The following CANX variants were observed in gnomAD, a reference collection of about 807,000 sequenced individuals.
CANX encodes calnexin.
Under a neutral mutation model 75.7 loss-of-function variants are expected in CANX, and 14 were observed. The ratio of observed to expected loss-of-function variants is 0.19; its 90% confidence interval spans 0.12 to 0.29. The LOEUF (loss-of-function observed/expected upper bound fraction) is 0.29. Ranked by LOEUF, CANX falls within the 10% of genes least tolerant of loss-of-function variation. CANX has a pLI of 1.00. For synonymous variants in CANX, 227 were observed against 236.9 expected, an observed-to-expected ratio of 0.96 and a Z score of 0.38; for missense variants, 567 against 713.2, an observed-to-expected ratio of 0.79 and a Z score of 2.34.
At chr5:179,689,440 T>C (rs1489462220) in intron 1 of CANX, among the ~76,000 whole-genome samples, 1 of 125,944 alleles carries the variant, frequency 7.9e-6, no homozygotes, top group African/African-American at 3.1e-5. Flanking sequence ...CAGGTGGGAG[T>C]GTAATGGCGC....
Position 179,728,859 on chromosome 5 carries a change from A to G in CANX, c.*215A>G, listed in dbSNP as rs969889834. 2 of 642,260 alleles carry G rather than the reference A, an allele frequency of 3.1e-6. No homozygotes were observed. The highest frequency in any genetic ancestry group is 3.0e-5 in the East Asian group (1 of 32,918). The allele number at this position is 642,260 out of a possible 1,614,324, so 39.8% of individuals were successfully genotyped here. On this transcript the variant is annotated 3_prime_UTR_variant, in exon 15 of 15. Transcript: ENST00000247461. ...AAAGGACCCTGTTTCTGTAGAAAAG[A>G]AAACATTTAACATAATGGTTGTGAA...
At chr5:179,725,381 C>T (rs1778579507) in intron 13 of CANX, among the ~76,000 whole-genome samples, 1 of 151,666 alleles carries the variant, frequency 6.6e-6, no homozygotes, top group Non-Finnish European at 1.5e-5. Flanking sequence ...GAGATCCTGT[C>T]TCTTAAAAAA....
chr5:179,726,072 T>A (rs1778647452), intron 13 of CANX, among the ~76,000 whole-genome samples: 1 of 148,910 alleles, frequency 6.7e-6, no homozygotes, highest in Non-Finnish European at 1.5e-5. Flanking sequence ...GTGGATCACC[T>A]GAGGTCAGGA....
chr5:179,724,880 G>GA, intron 13 of CANX, 97 bp downstream of exon 13: 1 of 1,464,258 alleles, frequency 6.8e-7, no homozygotes, highest in Non-Finnish European at 9.1e-7. Context: ...AGCCAGGCGT[G>GA]GTGGCTCAAG....
intron 1 of CANX, among the ~76,000 whole-genome samples, chr5:179,703,393 A>G (rs1217423270): frequency 2.0e-5 from 3 of 151,604 alleles, no homozygotes; most frequent in Admixed American, 2.0e-4. Flanking sequence ...AATTTTTTGT[A>G]TTTTAGTAGA....
chr5:179,688,892 T>C (rs1298365894), intron 1 of CANX, among the ~76,000 whole-genome samples: 3 of 151,340 alleles, frequency 2.0e-5, no homozygotes, highest in African/African-American at 7.3e-5. Context: ...GATGGTGCAG[T>C]GAGCCATGAT....
At chr5:179,686,212 C>T (rs1283757124) in intron 1 of CANX, among the ~76,000 whole-genome samples, 1 of 149,752 alleles carries the variant, frequency 6.7e-6, no homozygotes, top group African/African-American at 2.5e-5. Flanking sequence ...ATTCTCCTGC[C>T]TCAGCCTCCT....
chr5:179,703,379 G>A (rs1049034936), intron 1 of CANX, among the ~76,000 whole-genome samples: 4 of 151,874 alleles, frequency 2.6e-5, no homozygotes, highest in South Asian at 4.1e-4. Flanking sequence ...CACCACACTC[G>A]GCTAATTTTT....
At chr5:179,679,461 G>T (rs1397114270) in intron 1 of CANX, among the ~76,000 whole-genome samples, 1 of 152,210 alleles carries the variant, frequency 6.6e-6, no homozygotes, top group African/African-American at 2.4e-5. Flanking sequence ...AGACCACTGA[G>T]GATCAGGCCC....
chr5:179,682,741 T>TA (rs1776101469), intron 1 of CANX, among the ~76,000 whole-genome samples: 1 of 147,370 alleles, frequency 6.8e-6, no homozygotes, highest in East Asian at 2.0e-4. Context: ...CTAATTCTGA[T>TA]ACGTACAGTG....
At chr5:179,686,212 C>G (rs1283757124) in intron 1 of CANX, among the ~76,000 whole-genome samples, 1 of 149,752 alleles carries the variant, frequency 6.7e-6, no homozygotes, top group Non-Finnish European at 1.5e-5. Flanking sequence ...ATTCTCCTGC[C>G]TCAGCCTCCT....
At chr5:179,695,689 C>T (rs1337683056), upstream of CANX, among the ~76,000 whole-genome samples, 2 of 146,866 alleles carry the variant, frequency 1.4e-5, no homozygotes, top group Non-Finnish European at 3.0e-5. Flanking sequence ...CTCGTTTTGT[C>T]GCCCAGGCTG....
intron 11 of CANX, chr5:179,723,406 C>A: frequency 2.2e-6 from 1 of 456,490 alleles, no homozygotes. Flanking sequence ...TCACTGGATC[C>A]TGAGGTTAAG....
At chr5:179,708,189 A>C in intron 4 of CANX, 50 bp from the exon 5 acceptor site, 1 of 1,548,736 alleles carries the variant, frequency 6.5e-7, no homozygotes. Flanking sequence ...CATTTAAAGG[A>C]CCTTCAGAGG....
exon 1 of CANX, chr5:179,678,700 G>T (rs114542354): frequency 3.9e-6 from 6 of 1,536,910 alleles, no homozygotes; most frequent in African/African-American, 2.7e-5. Flanking sequence ...CCTCGGGGTT[G>T]CGCTGCTTCT....
chr5:179,687,293 C>T (rs998559814), intron 1 of CANX, among the ~76,000 whole-genome samples: 9 of 151,774 alleles, frequency 5.9e-5, no homozygotes, highest in East Asian at 1.9e-4. Context: ...GCAGTAGAGA[C>T]GGGGTTTCAC....
chr5:179,691,723 C>T (rs1581822157), intron 1 of CANX, among the ~76,000 whole-genome samples: 1 of 152,018 alleles, frequency 6.6e-6, no homozygotes, highest in South Asian at 2.1e-4. Context: ...TCCCTATATA[C>T]TTTCCTTGAG....
intron 1 of CANX, among the ~76,000 whole-genome samples, chr5:179,701,900 C>T (rs1446616171): frequency 4.0e-5 from 6 of 151,714 alleles, no homozygotes; most frequent in African/African-American, 1.2e-4. Flanking sequence ...CCACCACACC[C>T]GGCCCGGTTT....
chr5:179,723,023 C>A lies in CANX; in HGVS notation c.1398+4C>A. The A allele has an allele frequency of 6.2e-7, 1 of 1,611,444 alleles. No individual in the cohort carries two copies. The highest frequency in any genetic ancestry group is 1.1e-5 in the South Asian group (1 of 91,016). On this transcript the variant is annotated splice_donor_region_variant and intron_variant, in intron 11 of 14. Transcript: ENST00000247461. ...AGCTGCTGATGGGGCTGCTGAGGTT[C>A]GTGTTTGCTGCTTGTGCATTTGTGT...
Sources: gnomAD v4.1 joint callset for allele counts (sites outside exome capture counted in the v4.1 genomes callset) on GRCh38, gnomAD v4.1.1 for gene constraint, MANE v1.5 for transcripts, NCBI Gene and HGNC (gene_info 2026-07-23, HGNC 2026-07-21) for gene names.